Variants in FOCAD observed in about 807,000 individuals in gnomAD.
FOCAD encodes KIAA1797.
Under a neutral mutation model 225.6 loss-of-function variants are expected in FOCAD, and 198 were observed. That is an observed-to-expected ratio of 0.88 (90% CI 0.78 to 0.99). The LOEUF (loss-of-function observed/expected upper bound fraction) is 0.99. FOCAD is among the 50% of genes least tolerant of loss of function. The pLI is 0.00. For missense variants in FOCAD, 2,713 were observed against 2,123.6 expected (o/e 1.28, Z -5.46); for synonymous variants, 897 against 755.0 (o/e 1.19, Z -3.08).
At chr9:20,836,202 A>G (rs1345438130) in intron 15 of FOCAD, among the ~76,000 whole-genome samples, 1 of 152,094 alleles carries the variant, frequency 6.6e-6, no homozygotes, top group South Asian at 2.1e-4. Context: ...AAAATGGCCA[A>G]TAGAAATCCT....
intron 32 of FOCAD, among the ~76,000 whole-genome samples, chr9:20,949,198 A>G (rs917050941): frequency 6.6e-6 from 1 of 152,200 alleles, no homozygotes; most frequent in African/African-American, 2.4e-5. Context: ...CTGAGAAAAG[A>G]TGATTGAAGG....
At chr9:20,800,263 C>G (rs1426994296) in intron 11 of FOCAD, among the ~76,000 whole-genome samples, 1 of 152,158 alleles carries the variant, frequency 6.6e-6, no homozygotes, top group African/African-American at 2.4e-5. Context: ...CGACCTTTCT[C>G]TCTGGCTTCC....
At chr9:20,739,552 G>A (rs766860001) in intron 4 of FOCAD, among the ~76,000 whole-genome samples, 19 of 151,176 alleles carry the variant, frequency 1.3e-4, no homozygotes, top group Non-Finnish European at 2.4e-4. Context: ...GCAGTGAGCC[G>A]AGATCGTGCC....
At chr9:20,886,797 C>A (rs1831139272) in intron 21 of FOCAD, among the ~76,000 whole-genome samples, 1 of 152,090 alleles carries the variant, frequency 6.6e-6, no homozygotes, top group Admixed American at 6.5e-5. Flanking sequence ...GCTGGGGGAC[C>A]CATGAAGTTT....
intron 35 of FOCAD, among the ~76,000 whole-genome samples, chr9:20,962,764 CCAGGTTTTACAA>C (rs1267242830): frequency 1.3e-5 from 2 of 152,168 alleles, no homozygotes; most frequent in East Asian, 3.8e-4. Context: ...AACTTTGTTT[CCAGGTTTTACAA>C]CATCTGGATC....
At chr9:20,899,098 CTCTT>C (rs1199056538) in intron 21 of FOCAD, among the ~76,000 whole-genome samples, 1 of 151,874 alleles carries the variant, frequency 6.6e-6, no homozygotes, top group African/African-American at 2.4e-5. Flanking sequence ...GCTGATAAAA[CTCTT>C]ATTAGGTTAG....
intron 22 of FOCAD, 100 bp from the exon 23 acceptor site, chr9:20,912,766 A>C: frequency 2.2e-6 from 2 of 896,916 alleles, no homozygotes; most frequent in South Asian, 1.5e-5. Flanking sequence ...CAGAACACTT[A>C]AGGCCAAATG....
In FOCAD at chr9:20,929,386, G is replaced by C; in HGVS notation, c.3107G>C (p.Ser1036Thr). ...TCCTATTCTGGTGAAAACACAGCTA[G>C]TGCCATTGCCCGTTCTGCTGCCGCC... ...YKSYSGENTA[S>T]AIARSAAATA... is the part of the protein sequence containing the mutation. Residue 1036 changes from serine (S) to threonine (T), a missense_variant, in exon 27 of 44, where the codon AGT becomes ACT. Transcript: ENST00000338382. 2.5e-6 allele frequency: 4 copies of C among 1,614,068 alleles called. No individual in the cohort carries two copies. The highest frequency in any genetic ancestry group is 2.5e-6 in the Non-Finnish European group (3 of 1,179,996).
intron 5 of FOCAD, among the ~76,000 whole-genome samples, chr9:20,752,629 C>G: frequency 6.6e-6 from 1 of 151,878 alleles, no homozygotes; most frequent in East Asian, 1.9e-4. Context: ...TTAGGATTGA[C>G]TCGGCGATGC....
intron 19 of FOCAD, among the ~76,000 whole-genome samples, chr9:20,880,615 T>G (rs1195718247): frequency 1.3e-5 from 2 of 152,130 alleles, no homozygotes; most frequent in African/African-American, 2.4e-5. Context: ...CATATTGGTG[T>G]TTTTGAGCTT....
At chr9:20,839,825 T>G (rs949678923) in intron 15 of FOCAD, among the ~76,000 whole-genome samples, 1 of 152,080 alleles carries the variant, frequency 6.6e-6, no homozygotes, top group Non-Finnish European at 1.5e-5. Flanking sequence ...TGGCCCTGAT[T>G]TGACTTTTTT....
At chr9:20,824,249 A>T (rs972722520) in intron 15 of FOCAD, among the ~76,000 whole-genome samples, 2 of 152,240 alleles carry the variant, frequency 1.3e-5, no homozygotes, top group Non-Finnish European at 2.9e-5. Context: ...TAGTTATATT[A>T]CTTTCATAAT....
chr9:20,779,704 C>G (rs1489865033), intron 9 of FOCAD, among the ~76,000 whole-genome samples: 1 of 151,630 alleles, frequency 6.6e-6, no homozygotes, highest in Non-Finnish European at 1.5e-5. Context: ...GAGCCGAGAT[C>G]GCGCCATTGC....
At chr9:20,815,123 G>GTTTTTTTTTT (rs71334554) in intron 11 of FOCAD, among the ~76,000 whole-genome samples, 14 of 85,382 alleles carry the variant, frequency 1.6e-4, no homozygotes, top group South Asian at 4.0e-4. Flanking sequence ...ACTTCTCTTT[G>GTTTTTTTTTT]TTTTTTTTTT....
chr9:20,817,540 A>G (rs1823853712), intron 11 of FOCAD, among the ~76,000 whole-genome samples: 1 of 151,972 alleles, frequency 6.6e-6, no homozygotes. Context: ...TGGCTGAATA[A>G]TATCCTGTTG....
chr9:20,805,073 A>C (rs1187340115), intron 11 of FOCAD, among the ~76,000 whole-genome samples: 1 of 152,238 alleles, frequency 6.6e-6, no homozygotes, highest in Non-Finnish European at 1.5e-5. Flanking sequence ...CGATAGCATG[A>C]AAGCCCAGAC....
chr9:20,684,097 G>T (rs1360087269), upstream of FOCAD: 1 of 152,280 alleles, frequency 6.6e-6, no homozygotes, highest in Non-Finnish European at 1.5e-5. Context: ...CCTTTCAACC[G>T]CAGTGCGCGG....
At chr9:20,953,174 G>A in intron 35 of FOCAD, 109 bp downstream of exon 35, 1 of 857,978 alleles carries the variant, frequency 1.2e-6, no homozygotes, top group East Asian at 2.7e-5. Context: ...AAATCTGAAG[G>A]GGTGAATATT....
chr9:20,976,008 G>GTTAACA (rs1431222931), intron 35 of FOCAD, among the ~76,000 whole-genome samples: 1 of 152,072 alleles, frequency 6.6e-6, no homozygotes, highest in East Asian at 1.9e-4. Context: ...AAGCACTGTA[G>GTTAACA]GGTAGTGACT....
Sources: allele counts gnomAD v4.1 joint callset (sites outside exome capture counted in the v4.1 genomes callset), GRCh38; gene constraint gnomAD v4.1.1; transcripts MANE v1.5; gene names NCBI Gene and HGNC (gene_info 2026-07-23, HGNC 2026-07-21).